CATSPERB: variants seen among roughly 807,000 people sequenced by gnomAD.
CATSPERB encodes the protein cation channel sperm-associated auxiliary subunit beta.
In CATSPERB, 93 loss-of-function variants were observed where a neutral mutation model predicts 128.3. The ratio of observed to expected loss-of-function variants is 0.72; its 90% CI spans 0.61 to 0.86. The LOEUF is 0.86. Ranked by LOEUF, CATSPERB falls within the 40% of genes least tolerant of loss-of-function variation. CATSPERB has a pLI of 0.00. For missense variants in CATSPERB, 1,153 were observed against 1,329.5 expected, an observed-to-expected ratio of 0.87 and a Z score of 2.06; for synonymous variants, 381 against 448.8, an observed-to-expected ratio of 0.85 and a Z score of 1.91.
At chr14:91,605,259 C>T in intron 22 of CATSPERB, 1 of 1,293,914 alleles carries the variant, frequency 7.7e-7, no homozygotes, top group Non-Finnish European at 1.1e-6. Context: ...AGTGAAGAGT[C>T]TTTACAGACG....
At chr14:91,710,631 C>T (rs1895822390) in intron 5 of CATSPERB, 1 of 152,174 alleles carries the variant, frequency 6.6e-6, no homozygotes, top group Non-Finnish European at 1.5e-5. Flanking sequence ...AAGGTCAGTA[C>T]TGATAGAACT....
chr14:91,607,641 A>T (rs1169982737), intron 22 of CATSPERB, among the ~76,000 whole-genome samples: 1 of 152,198 alleles, frequency 6.6e-6, no homozygotes, highest in East Asian at 1.9e-4. Context: ...AGATCGGAAG[A>T]CAGTGGAGAG....
intron 22 of CATSPERB, among the ~76,000 whole-genome samples, chr14:91,606,486 C>T (rs1248245463): frequency 6.6e-6 from 1 of 152,098 alleles, no homozygotes; most frequent in African/African-American, 2.4e-5. Context: ...TCGCTTGAAC[C>T]CCTGAGGCGG....
intron 19 of CATSPERB, among the ~76,000 whole-genome samples, chr14:91,619,258 T>G (rs1160596970): frequency 6.6e-6 from 1 of 152,094 alleles, no homozygotes; most frequent in African/African-American, 2.4e-5. Flanking sequence ...TAAATAATAT[T>G]GGAACAACTA....
At chr14:91,698,409 G>C (rs997708287) in intron 7 of CATSPERB, among the ~76,000 whole-genome samples, 5 of 152,132 alleles carry the variant, frequency 3.3e-5, no homozygotes, top group Non-Finnish European at 7.3e-5. Flanking sequence ...GATTGCTCTG[G>C]CTAGGACTTC....
chr14:91,707,575 C>CTTTTTTTT (rs539712771), intron 6 of CATSPERB, among the ~76,000 whole-genome samples: 2 of 58,254 alleles, frequency 3.4e-5, no homozygotes, highest in Non-Finnish European at 6.1e-5. Flanking sequence ...TATGTACTTC[C>CTTTTTTTT]TTTTTTTTTT....
chr14:91,729,659 T>C (rs573582650), intron 1 of CATSPERB, among the ~76,000 whole-genome samples, 180 bp from the exon 2 acceptor site: 1 of 152,294 alleles, frequency 6.6e-6, no homozygotes, highest in South Asian at 2.1e-4. Flanking sequence ...CCCTACTTGG[T>C]ATTAAAGGTA....
chr14:91,663,644 CAAAAAAA>C (rs34498815), intron 14 of CATSPERB, among the ~76,000 whole-genome samples: 22 of 86,754 alleles, frequency 2.5e-4, no homozygotes, highest in African/African-American at 9.6e-4. Flanking sequence ...GACTCCGTCT[CAAAAAAA>C]AAAAAAAAAA....
chr14:91,725,750 C>A (rs1471325850), intron 2 of CATSPERB, among the ~76,000 whole-genome samples: 3 of 152,150 alleles, frequency 2.0e-5, no homozygotes, highest in Admixed American at 2.0e-4. Context: ...ATGACACAGA[C>A]AGAAGACAGA....
chr14:91,610,768 C>T, intron 20 of CATSPERB, 91 bp from the exon 21 acceptor site: 1 of 1,147,908 alleles, frequency 8.7e-7, no homozygotes, highest in South Asian at 1.4e-5. Flanking sequence ...AAACCCCAAC[C>T]TCCAGTATCT....
At chr14:91,690,250 C>T (rs1043250947) in intron 10 of CATSPERB, among the ~76,000 whole-genome samples, 1 of 152,218 alleles carries the variant, frequency 6.6e-6, no homozygotes, top group Non-Finnish European at 1.5e-5. Context: ...GCCTCAGCCT[C>T]CCAAAGTGCT....
intron 7 of CATSPERB, among the ~76,000 whole-genome samples, chr14:91,704,185 G>T (rs1895698842): frequency 6.6e-6 from 1 of 151,944 alleles, no homozygotes; most frequent in South Asian, 2.1e-4. Context: ...CAGTAGTAAT[G>T]AAAAAAATGC....
intron 6 of CATSPERB, 44 bp from the exon 7 acceptor site, chr14:91,704,745 T>G (rs1895708988): frequency 6.3e-7 from 1 of 1,580,036 alleles, no homozygotes; most frequent in Non-Finnish European, 8.6e-7. Context: ...GGAGCACCCT[T>G]GAAAATGGAT....
chr14:91,591,603 T>G (rs367601382), intron 23 of CATSPERB, among the ~76,000 whole-genome samples: 177 of 151,902 alleles, frequency 1.2e-3, no homozygotes, highest in African/African-American at 4.2e-3. Context: ...ACAAGTTGCT[T>G]TCGTATACAC....
chr14:91,728,725 C>T (rs1033875466), intron 2 of CATSPERB, among the ~76,000 whole-genome samples: 1 of 152,204 alleles, frequency 6.6e-6, no homozygotes, highest in African/African-American at 2.4e-5. Flanking sequence ...GTTATACTTT[C>T]AACAGCATGT....
At chr14:91,680,391 A>G (rs1276398253) in intron 11 of CATSPERB, among the ~76,000 whole-genome samples, 1 of 152,230 alleles carries the variant, frequency 6.6e-6, no homozygotes, top group Non-Finnish European at 1.5e-5. Flanking sequence ...AGGCACACAG[A>G]TGCCTAAACA....
At chr14:91,693,597 A>T in intron 7 of CATSPERB, 118 bp from the exon 8 acceptor site, 1 of 666,078 alleles carries the variant, frequency 1.5e-6, no homozygotes, top group South Asian at 1.9e-5. Flanking sequence ...CTCACTTCCC[A>T]AAGCATTGGA....
At chr14:91,633,575 T>A (rs78354851) in intron 17 of CATSPERB, among the ~76,000 whole-genome samples, 10,040 of 152,110 alleles carry the variant, frequency 0.066, 474 homozygotes, top group Admixed American at 0.13. Flanking sequence ...CAGAAATGTA[T>A]GAAAACAGGT....
intron 15 of CATSPERB, among the ~76,000 whole-genome samples, chr14:91,651,836 A>G (rs1416244425): frequency 6.6e-6 from 1 of 152,232 alleles, no homozygotes; most frequent in East Asian, 1.9e-4. Context: ...TTACAAAAGC[A>G]GAAAGAAAAG....
Sources: gnomAD v4.1 joint callset for allele counts (sites outside exome capture counted in the v4.1 genomes callset) on GRCh38, gnomAD v4.1.1 for gene constraint, MANE v1.5 for transcripts, NCBI Gene and HGNC (gene_info 2026-07-23, HGNC 2026-07-21) for gene names.